Variants in LY6G6D observed in about 807,000 individuals in gnomAD.
LY6G6D encodes the protein lymphocyte antigen 6 family member G6D, also known as lymphocyte antigen 6 complex locus protein G6d.
LY6G6D carries 5 observed loss-of-function variants against 8.5 expected under a neutral mutation model. That is an observed-to-expected ratio of 0.59 (90% CI 0.31 to 1.24). The LOEUF is 1.24. Among genes scored for constraint, LY6G6D ranks in the 50% most tolerant of loss-of-function variants. The probability of loss-of-function intolerance (pLI) is 0.07; values close to 1 mark genes in which losing one functional copy is unlikely to be tolerated. For synonymous variants in LY6G6D, 65 were observed against 69.6 expected (o/e 0.93, Z 0.33); for missense variants, 154 against 170.4 (o/e 0.90, Z 0.53).
chr6:31,717,802 TA>T lies in LY6G6D; in HGVS notation c.401del (p.Ter134TrpfsTer23), dbSNP rs1409629207. On this transcript the variant is annotated frameshift_variant and stop_lost, in exon 3 of 3. Coordinates refer to ENST00000375825, the MANE Select transcript of LY6G6D (RefSeq NM_021246.4). LOFTEE classifies it high-confidence loss of function. The surrounding 1 kb of genome is among the most constrained non-coding windows in gnomAD (Gnocchi z 5.0). The stretch of plus-strand genomic sequence containing the variant: ...TCTCTTGCCAGGACTGTGGAGCGGA[TA>T]GGGGGAGTAGGAGTAGAGAAGGGAA... ...TCLLPGLWSG* is the reference protein window; with the variant it reads ...TCLLPGLWSGX 1 of 1,608,490 alleles carries T rather than the reference TA, an allele frequency of 6.2e-7. No homozygotes were observed. The highest frequency in any genetic ancestry group is 8.5e-7 in the Non-Finnish European group (1 of 1,177,992).
rs770724798 is a variant in LY6G6D, at chr6:31,717,848, G to A, written c.*44G>A. On this transcript the variant is annotated 3_prime_UTR_variant, in exon 3 of 3. Coordinates refer to ENST00000375825, the MANE Select transcript of LY6G6D (RefSeq NM_021246.4). The surrounding 1 kb of genome is among the most constrained non-coding windows in gnomAD (Gnocchi z 5.0). Reference sequence around the variant, plus strand: ...AGGGAACAAGGGAGCAAGGGAACAAGGGACATCTGAACATCTAATGTGAGA... The same window carrying A: ...AGGGAACAAGGGAGCAAGGGAACAAAGGACATCTGAACATCTAATGTGAGA... The A allele has an allele frequency of 3.8e-6, 6 of 1,571,312 alleles. No homozygotes were observed. In the African/African-American group the frequency reaches 6.8e-5, roughly 18 times the overall value.
chr6:31,717,243 C>T lies in LY6G6D; in HGVS notation c.179-338C>T, dbSNP rs1347578523. On this transcript the variant is annotated intron_variant, in intron 2 of 2. Transcript: ENST00000375825. This position sits in a 1 kb window ranked among gnomAD's most constrained non-coding sequence, Gnocchi z 5.0. ...CCAGCTGGGCAATAAGAGTGAAACT[C>T]CGTCTCAAAAAAAAAAAAAAAATTA... 2.0e-5 allele frequency among the ~76,000 whole-genome samples: 3 copies of T among 148,826 alleles called. No homozygotes were observed. Among genetic ancestry groups the T allele is most frequent in the African/African-American group, 7.4e-5 (3 of 40,312 alleles).
Position 31,716,481 on chromosome 6 carries a change from C to T in LY6G6D, c.178+857C>T, listed in dbSNP as rs767125212. 2.0e-5 allele frequency among the ~76,000 whole-genome samples: 3 copies of T among 151,938 alleles called. No individual in the cohort carries two copies. Among genetic ancestry groups the T allele is most frequent in the Non-Finnish European group, 4.4e-5 (3 of 67,982 alleles). Reference sequence around the variant, plus strand: ...TTAAAAAATTAGTTGGGTGTGGTGGCACATGCTTGTAGTCCTAGCTACTCA... The same window carrying T: ...TTAAAAAATTAGTTGGGTGTGGTGGTACATGCTTGTAGTCCTAGCTACTCA... On this transcript the variant is annotated intron_variant, in intron 2 of 2. Transcript: ENST00000375825. The surrounding 1 kb of genome is among the most constrained non-coding windows in gnomAD (Gnocchi z 5.1).
rs1241110209 is a variant in LY6G6D, at chr6:31,715,571, G to C, written c.125G>C (p.Cys42Ser). ...TCTTGCAAAGAGGCCGTGACCACCTGTGGCGAGGGCAGACCCCAGCCAGGC... is the reference window on the plus strand; with the variant it reads ...TCTTGCAAAGAGGCCGTGACCACCTCTGGCGAGGGCAGACCCCAGCCAGGC... The part of the protein sequence containing the change: ...SSSCKEAVTT[C>S]GEGRPQPGLE... Residue 42 changes from cysteine to serine, a missense_variant, in exon 2 of 3, where the codon TGT (cysteine) becomes TCT (serine). Cys to Ser is a moderately radical substitution (Grantham distance 112, BLOSUM62 -1). Coordinates refer to ENST00000375825, the MANE Select transcript of LY6G6D (RefSeq NM_021246.4). The C allele has an allele frequency of 5.6e-6, 9 of 1,612,966 alleles. No individual in the cohort carries two copies. In the South Asian group the frequency reaches 8.8e-5, roughly 16 times the overall value.
rs1454877488 is a variant in LY6G6D, at chr6:31,716,591, GAACAAAATGAGACC to G, written c.178+968_179-976del. Among the ~76,000 whole-genome samples the G allele has an allele frequency of 6.6e-6, 1 of 150,668 alleles. No homozygotes were observed. The highest frequency in any genetic ancestry group is 2.4e-5 in the African/African-American group (1 of 40,870). ...TCACGCCACTACACTCCAGCCTGGG[GAACAAAATGAGACC>G]CTGTCTCAAAAATAATAATAATAAT... On this transcript the variant is annotated intron_variant, in intron 2 of 2. Coordinates refer to ENST00000375825, the MANE Select transcript of LY6G6D (RefSeq NM_021246.4). The surrounding 1 kb of genome is among the most constrained non-coding windows in gnomAD (Gnocchi z 5.1).
At position 31,717,429 on chromosome 6, in the gene LY6G6D, C is replaced by A. The variant is rs1806509618; in HGVS notation, c.179-152C>A. ...GCATCACATCAGGAGTTTACAAGGT[C>A]AATGCATTAACTTTGATCACTTGGT... On this transcript the variant is annotated intron_variant, in intron 2 of 2. Coordinates refer to ENST00000375825, the MANE Select transcript of LY6G6D (RefSeq NM_021246.4). This position sits in a 1 kb window ranked among gnomAD's most constrained non-coding sequence, Gnocchi z 5.0. 3 of 1,582,918 alleles carry A rather than the reference C, an allele frequency of 1.9e-6. No homozygotes were observed. Among genetic ancestry groups the A allele is most frequent in the Non-Finnish European group, 2.6e-6 (3 of 1,162,940 alleles).
Position 31,715,364 on chromosome 6 carries a change from CCA to C in LY6G6D, c.10_11del (p.Gln4ValfsTer151). 1.2e-6 allele frequency: 2 copies of C among 1,600,336 alleles called. No homozygotes were observed. Among genetic ancestry groups the C allele is most frequent in the Non-Finnish European group, 8.5e-7 (1 of 1,172,358 alleles). ...GACACGGGCAGACTGCGATGAAACC[CCA>C]GTTTGTTGGGATCTTGCTCAGCTCC... MKP[Q>X]FVGILLSSLL... On this transcript the variant is annotated frameshift_variant, in exon 1 of 3. Coordinates refer to ENST00000375825, the MANE Select transcript of LY6G6D (RefSeq NM_021246.4). LOFTEE classifies it high-confidence loss of function.
Position 31,717,191 on chromosome 6 carries a change from G to A in LY6G6D, c.179-390G>A, listed in dbSNP as rs182503580. On this transcript the variant is annotated intron_variant, in intron 2 of 2. Coordinates refer to ENST00000375825, the MANE Select transcript of LY6G6D (RefSeq NM_021246.4). This position sits in a 1 kb window ranked among gnomAD's most constrained non-coding sequence, Gnocchi z 5.0. ...CTTGAACCCAAGAGGTGGAGGTCGC[G>A]GTGAGCCGAGATCACACCATTGCAC... Among the ~76,000 whole-genome samples the A allele has an allele frequency of 9.9e-5, 15 of 151,302 alleles. 1 individual carries two copies. Among genetic ancestry groups the A allele is most frequent in the Admixed American group, 6.6e-4 (10 of 15,234 alleles).
At position 31,715,378 on chromosome 6, in the gene LY6G6D, T is replaced by A; in HGVS notation, c.23T>A (p.Ile8Asn). The change falls in exon 1 of 3, where the codon ATC becomes AAC. Residue 8 changes from isoleucine to asparagine, a missense_variant. By Grantham distance (149) the Ile-to-Asn change is moderately radical (BLOSUM62 -3). Transcript: ENST00000375825. MKPQFVG[I>N]LLSSLLGAAL... is the part of the protein sequence containing the mutation. The stretch of plus-strand genomic sequence containing the variant: ...GCGATGAAACCCCAGTTTGTTGGGA[T>A]CTTGCTCAGCTCCCTGCTAGGGGCT... 2 of 1,603,814 alleles carry A rather than the reference T, an allele frequency of 1.2e-6. No individual in the cohort carries two copies. The highest frequency in any genetic ancestry group is 1.7e-6 in the Non-Finnish European group (2 of 1,174,130).
rs148990213 is a variant in LY6G6D, at chr6:31,717,589, A to G, written c.187A>G (p.Thr63Ala). Residue 63 changes from threonine to alanine, a missense_variant, in exon 3 of 3, where the codon ACC becomes GCC. Transcript: ENST00000375825. This position sits in a 1 kb window ranked among gnomAD's most constrained non-coding sequence, Gnocchi z 5.0. ...TTCATTCTCTCTCTCAGCCCCAGTG[A>G]CCTTGATTCACCAACATCCAGCCTG... is the stretch of plus-strand genomic sequence containing the variant. Reference protein sequence around the residue: ...QIKLPGNPPVTLIHQHPACVA... With the variant: ...QIKLPGNPPVALIHQHPACVA... 1,045 of 1,614,206 alleles carry G rather than the reference A, an allele frequency of 6.5e-4. 8 individuals are homozygous for G. In the African/African-American group the frequency reaches 9.0e-3, roughly 14 times the overall value.
Position 31,716,117 on chromosome 6 carries a change from G to T in LY6G6D, c.178+493G>T, listed in dbSNP as rs1806418707. Among the ~76,000 whole-genome samples the T allele has an allele frequency of 3.9e-5, 6 of 152,108 alleles. No individual in the cohort carries two copies. On this transcript the variant is annotated intron_variant, in intron 2 of 2. Transcript: ENST00000375825. This position sits in a 1 kb window ranked among gnomAD's most constrained non-coding sequence, Gnocchi z 5.1. Reference sequence around the variant, plus strand: ...CAATTATCAAAATCACAAAATAACTGATACAATACTACTAACTAATCTACA... The same window carrying T: ...CAATTATCAAAATCACAAAATAACTTATACAATACTACTAACTAATCTACA...
At position 31,717,366 on chromosome 6, in the gene LY6G6D, CAAG is replaced by C; in HGVS notation, c.179-212_179-210del. 1 of 1,167,744 alleles carries C rather than the reference CAAG, an allele frequency of 8.6e-7. No individual in the cohort carries two copies. The highest frequency in any genetic ancestry group is 2.0e-4 in the Middle Eastern group (1 of 4,936). 72.3% of individuals were successfully genotyped at this position (1,167,744 alleles called of 1,614,324 possible). A position where few individuals can be genotyped will look rare whatever the true frequency, so the allele number is the denominator to read the frequency against. ...TGAGATTGAGGTCATGCATTTTAAG[CAAG>C]AATACTGCAGAAGTGATGTTGCATC... On this transcript the variant is annotated intron_variant, in intron 2 of 2. Coordinates refer to ENST00000375825, the MANE Select transcript of LY6G6D (RefSeq NM_021246.4). The surrounding 1 kb of genome is among the most constrained non-coding windows in gnomAD (Gnocchi z 5.0).
At chr6:31,715,666 C>A (rs11575849) in intron 2 of LY6G6D, 42 bp downstream of exon 2, 2 of 1,602,830 alleles carry the variant, frequency 1.2e-6, no homozygotes, top group Admixed American at 1.7e-5. Context: ...CCTTTCCCTG[C>A]CTCCAGCCCC....
In LY6G6D at chr6:31,717,661, G is replaced by A; in HGVS notation, c.259G>A (p.Asp87Asn). The A allele has an allele frequency of 6.2e-7, 1 of 1,614,202 alleles. No homozygotes were observed. The highest frequency in any genetic ancestry group is 8.5e-7 in the Non-Finnish European group (1 of 1,180,030). Reference protein sequence around the residue: ...CNQVETESVGDVTYPAHRDCY... With the variant: ...CNQVETESVGNVTYPAHRDCY... ...TCAAGTGGAGACAGAGTCGGTGGGA[G>A]ACGTGACTTATCCAGCCCACAGGGA... Residue 87 changes from aspartate to asparagine, a missense_variant, in exon 3 of 3, where the codon GAC becomes AAC. Physicochemically the swap from Asp to Asn is conservative, Grantham distance 23. Coordinates refer to ENST00000375825, the MANE Select transcript of LY6G6D (RefSeq NM_021246.4). This position sits in a 1 kb window ranked among gnomAD's most constrained non-coding sequence, Gnocchi z 5.0.
At position 31,715,376 on chromosome 6, in the gene LY6G6D, G is replaced by A; in HGVS notation, c.21G>A (p.Gly7=). The A allele has an allele frequency of 6.2e-7, 1 of 1,603,268 alleles. No homozygotes were observed. The highest frequency in any genetic ancestry group is 2.2e-5 in the East Asian group (1 of 44,688). ...CTGCGATGAAACCCCAGTTTGTTGG[G>A]ATCTTGCTCAGCTCCCTGCTAGGGG... The part of the protein sequence containing the change: MKPQFV[G]ILLSSLLGAA... The change falls in exon 1 of 3, where the codon GGG becomes GGA. Residue 7 remains glycine (G), a synonymous_variant. Coordinates refer to ENST00000375825, the MANE Select transcript of LY6G6D (RefSeq NM_021246.4).
rs752406773 is a variant in LY6G6D at position 31,715,514 on chromosome 6, G to A, written c.68G>A (p.Arg23Gln). The A allele has an allele frequency of 6.2e-6, 10 of 1,612,682 alleles. No homozygotes were observed. The highest frequency in any genetic ancestry group is 3.3e-5 in the Admixed American group (2 of 59,994). ...TTTCTCCTGCCAGGAAACCGAATGC[G>A]GTGCTACAACTGTGGTGGAAGCCCC... is the stretch of plus-strand genomic sequence containing the variant. ...LLGAALGNRM[R>Q]CYNCGGSPSS... The change falls in exon 2 of 3, where the codon CGG becomes CAG. Residue 23 changes from arginine (R) to glutamine (Q), a missense_variant. Physicochemically the swap from Arg to Gln is conservative, Grantham distance 43. Coordinates refer to ENST00000375825, the MANE Select transcript of LY6G6D (RefSeq NM_021246.4).
In LY6G6D at chr6:31,717,326, T is replaced by G; in HGVS notation, c.179-255T>G. The G allele has an allele frequency of 1.5e-6, 1 of 685,220 alleles. No individual in the cohort carries two copies. Among genetic ancestry groups the G allele is most frequent in the Non-Finnish European group, 2.4e-6 (1 of 415,028 alleles). The allele number at this position is 685,220 out of a possible 1,614,324, so 42.4% of individuals were successfully genotyped here. ...GAATGTCCCTCGATATTTATTTATC[T>G]GATATTTGCCATGATGAGATTGAGG... On this transcript the variant is annotated intron_variant, in intron 2 of 2. Coordinates refer to ENST00000375825, the MANE Select transcript of LY6G6D (RefSeq NM_021246.4). This position sits in a 1 kb window ranked among gnomAD's most constrained non-coding sequence, Gnocchi z 5.0.
chr6:31,717,378 A>G lies in LY6G6D; in HGVS notation c.179-203A>G. ...CATGCATTTTAAGCAAGAATACTGCAGAAGTGATGTTGCATCCTTCTTGCT... is the reference window on the plus strand; with the variant it reads ...CATGCATTTTAAGCAAGAATACTGCGGAAGTGATGTTGCATCCTTCTTGCT... On this transcript the variant is annotated intron_variant, in intron 2 of 2. Coordinates refer to ENST00000375825, the MANE Select transcript of LY6G6D (RefSeq NM_021246.4). The surrounding 1 kb of genome is among the most constrained non-coding windows in gnomAD (Gnocchi z 5.0). 1 of 1,293,034 alleles carries G rather than the reference A, an allele frequency of 7.7e-7. No individual in the cohort carries two copies. Among genetic ancestry groups the G allele is most frequent in the East Asian group, 2.5e-5 (1 of 40,546 alleles). 80.1% of individuals were successfully genotyped at this position (1,293,034 alleles called of 1,614,324 possible).
chr6:31,715,483 G>T lies in LY6G6D; in HGVS notation c.56-19G>T. 6.2e-7 allele frequency: 1 copy of T among 1,610,778 alleles called. No individual in the cohort carries two copies. The highest frequency in any genetic ancestry group is 8.5e-7 in the Non-Finnish European group (1 of 1,178,184). ...GCTCCACCGAGGGCCCAGGTCCAGC[G>T]CCTCTTTTCTCCTGCCAGGAAACCG... is the stretch of plus-strand genomic sequence containing the variant. On this transcript the variant is annotated intron_variant, in intron 1 of 2. Coordinates refer to ENST00000375825, the MANE Select transcript of LY6G6D (RefSeq NM_021246.4).
Sources: gnomAD v4.1 joint callset for allele counts (sites outside exome capture counted in the v4.1 genomes callset) on GRCh38, gnomAD v4.1.1 for gene constraint, Gnocchi (gnomAD v3.1) non-coding constraint, MANE v1.5 for transcripts, NCBI Gene and HGNC (gene_info 2026-07-23, HGNC 2026-07-21) for gene names.